The following ANK1 variants were observed in gnomAD, a reference collection of about 807,000 sequenced individuals.
The protein encoded by ANK1 is ankyrin-1.
In ANK1, 51 loss-of-function variants were observed where a neutral mutation model predicts 210.4. That is an observed-to-expected ratio of 0.24 (90% CI 0.19 to 0.31). The LOEUF is 0.31. Ranked by LOEUF, ANK1 falls within the 10% of genes least tolerant of loss-of-function variation. ANK1 has a pLI of 1.00. For missense variants in ANK1, 2,051 were observed against 2,504.4 expected (o/e 0.82, Z 3.86); for synonymous variants, 967 against 1,025.9 (o/e 0.94, Z 1.10).
chr8:41,781,495 C>T (rs1845321166), intron 1 of ANK1, among the ~76,000 whole-genome samples: 1 of 152,240 alleles, frequency 6.6e-6, no homozygotes, highest in African/African-American at 2.4e-5. Context: ...CAGGCCCTCT[C>T]ACTGTATTTT....
intron 1 of ANK1, among the ~76,000 whole-genome samples, chr8:41,807,987 A>C (rs1851218339): frequency 6.6e-6 from 1 of 151,294 alleles, no homozygotes. Context: ...AGGAGGAAGA[A>C]GAGAGGATGA....
rs557897612 is a variant in ANK1 at position 41,684,654 on chromosome 8, C to T, written c.4427G>A (p.Arg1476His). The T allele has an allele frequency of 6.2e-6, 10 of 1,613,692 alleles. No homozygotes were observed. The highest frequency in any genetic ancestry group is 2.2e-5 in the East Asian group (1 of 44,882). The change falls in exon 37 of 43, where the codon CGT (arginine) becomes CAT (histidine). Residue 1476 changes from arginine to histidine, a missense_variant. Physicochemically the swap from Arg to His is conservative, Grantham distance 29. Coordinates refer to ENST00000289734, the MANE Select transcript of ANK1 (RefSeq NM_000037.4). ...CTCCAGCATGTTCACGATCTCGCCA[C>T]GGTCAATGCTCTGCAGGGCTGTGTA... ...NLYTALQSID[R>H]GEIVNMLEGS...
intron 1 of ANK1, among the ~76,000 whole-genome samples, chr8:41,816,572 G>C (rs1803372252): frequency 6.6e-6 from 1 of 152,054 alleles, no homozygotes; most frequent in Non-Finnish European, 1.5e-5. Flanking sequence ...CCAAGTAGCT[G>C]GGATGCACCA....
intron 1 of ANK1, among the ~76,000 whole-genome samples, chr8:41,790,663 G>T (rs11995745): frequency 6.6e-6 from 1 of 151,858 alleles, no homozygotes; most frequent in Non-Finnish European, 1.5e-5. Flanking sequence ...TGTACAACTC[G>T]AGATCCTATT....
chr8:41,771,941 GA>G (rs1332982844), intron 1 of ANK1, among the ~76,000 whole-genome samples: 2 of 152,194 alleles, frequency 1.3e-5, no homozygotes, highest in African/African-American at 4.8e-5. Flanking sequence ...CTGCAGCAAA[GA>G]ATCCCATGCG....
In ANK1 at chr8:41,889,897, G is replaced by A. The variant is rs548804987; in HGVS notation, c.126+6458C>T. Among the ~76,000 whole-genome samples the A allele has an allele frequency of 9.8e-5, 15 of 152,310 alleles. No individual in the cohort carries two copies. The East Asian group carries it at 1.3e-3, about 14-fold the overall frequency. On this transcript the variant is annotated intron_variant, in intron 1 of 42. Transcript: ENST00000265709. ...TTGACGAACCCATGCAGATTACTGC[G>A]CAGGTCTGCAATAAAAATCCTGTCC...
chr8:41,749,294 A>AATT, intron 2 of ANK1, among the ~76,000 whole-genome samples: 1 of 118,092 alleles, frequency 8.5e-6, no homozygotes, highest in Non-Finnish European at 1.8e-5. Context: ...TTCATCTTGG[A>AATT]CTTTTTTTTT....
chr8:41,767,655 G>T (rs965334717), intron 1 of ANK1, among the ~76,000 whole-genome samples: 1 of 152,128 alleles, frequency 6.6e-6, no homozygotes, highest in Non-Finnish European at 1.5e-5. Flanking sequence ...GCCCTGCGAA[G>T]GGGGTGCGCG....
chr8:41,717,201 G>C, intron 12 of ANK1, 150 bp from the exon 13 acceptor site: 1 of 734,248 alleles, frequency 1.4e-6, no homozygotes, highest in Non-Finnish European at 2.4e-6. Context: ...AGCCTGGTAT[G>C]TGTGCATGTG....
chr8:41,713,779 T>A (rs1338186363), intron 16 of ANK1, among the ~76,000 whole-genome samples: 1 of 151,904 alleles, frequency 6.6e-6, no homozygotes, highest in Non-Finnish European at 1.5e-5. Flanking sequence ...TCCCACGGAG[T>A]CAGAATCTAG....
rs1429880594 is a variant in ANK1, at chr8:41,714,685, C to T, written c.1701+291G>A. On this transcript the variant is annotated intron_variant, in intron 15 of 42. Transcript: ENST00000289734. ...GACCAGCCTGGGCAACATAGTGAGACCCTGTCTCTATAATTGTTTTTTTAA... is the reference window on the plus strand; with the variant it reads ...GACCAGCCTGGGCAACATAGTGAGATCCTGTCTCTATAATTGTTTTTTTAA... Among the ~76,000 whole-genome samples, 7 of 152,064 alleles carry T rather than the reference C, an allele frequency of 4.6e-5. No homozygotes were observed. In the East Asian group the frequency reaches 9.6e-4, roughly 21 times the overall value.
At chr8:41,734,221 G>A in intron 2 of ANK1, 152 bp from the exon 3 acceptor site, 1 of 736,916 alleles carries the variant, frequency 1.4e-6, no homozygotes, top group Non-Finnish European at 2.4e-6. Flanking sequence ...AGGGGCACAG[G>A]GCAGGGCCAC....
intron 22 of ANK1, among the ~76,000 whole-genome samples, chr8:41,700,044 C>T (rs1822281763): frequency 6.6e-6 from 1 of 152,236 alleles, no homozygotes; most frequent in African/African-American, 2.4e-5. Flanking sequence ...CTGCCTACAC[C>T]TCTGACTGCC....
chr8:41,699,151 G>T (rs1398895938), intron 23 of ANK1, among the ~76,000 whole-genome samples: 4 of 152,138 alleles, frequency 2.6e-5, no homozygotes, highest in African/African-American at 9.7e-5. Context: ...GGGAGAGGGG[G>T]TGTGGATATA....
intron 2 of ANK1, among the ~76,000 whole-genome samples, chr8:41,739,154 TC>T (rs1834110021): frequency 6.6e-6 from 1 of 152,224 alleles, no homozygotes; most frequent in African/African-American, 2.4e-5. Flanking sequence ...GTTTGTTTTT[TC>T]CCCCTCTTTT....
At chr8:41,759,523 A>G (rs1035288873) in intron 1 of ANK1, among the ~76,000 whole-genome samples, 3 of 152,190 alleles carry the variant, frequency 2.0e-5, no homozygotes, top group African/African-American at 7.2e-5. Context: ...ACAAACAAAC[A>G]AAAAAACCCA....
At chr8:41,849,338 C>T (rs1002654406) in intron 1 of ANK1, among the ~76,000 whole-genome samples, 7 of 152,158 alleles carry the variant, frequency 4.6e-5, no homozygotes, top group South Asian at 2.1e-4. Flanking sequence ...TGGCCTTGGG[C>T]TGTGGTGAAA....
At chr8:41,761,930 T>TCCCAGCCAACCTCCTCCATCCCTGCCTCA (rs1449217022) in intron 1 of ANK1, among the ~76,000 whole-genome samples, 1 of 150,502 alleles carries the variant, frequency 6.6e-6, no homozygotes, top group African/African-American at 2.4e-5. Flanking sequence ...TCGCTCTGCC[T>TCCCAGCCAACCTCCTCCATCCCTGCCTCA]CCCAGCCAAC....
intron 1 of ANK1, chr8:41,896,239 C>A: frequency 2.2e-6 from 3 of 1,354,870 alleles, no homozygotes; most frequent in Non-Finnish European, 2.8e-6. Flanking sequence ...CGGGTGCCGC[C>A]AACTCCGCCG....
Sources: allele counts gnomAD v4.1 joint callset (sites outside exome capture counted in the v4.1 genomes callset), GRCh38; gene constraint gnomAD v4.1.1; transcripts MANE v1.5; gene names NCBI Gene and HGNC (gene_info 2026-07-23, HGNC 2026-07-21).